Variants in SCRN1 observed in about 807,000 individuals in gnomAD.
SCRN1 encodes secernin 1.
Under a neutral mutation model 43.3 loss-of-function variants are expected in SCRN1, and 19 were observed. The observed-to-expected ratio is 0.44, with a 90% CI of 0.31 to 0.64. SCRN1 has a LOEUF of 0.64. Among genes scored for constraint, SCRN1 ranks in the 30% least tolerant of loss-of-function variants. The pLI is 0.09. For missense variants in SCRN1, 447 were observed against 524.1 expected (o/e 0.85, Z 1.44); for synonymous variants, 183 against 188.9 (o/e 0.97, Z 0.26).
intron 1 of SCRN1, among the ~76,000 whole-genome samples, chr7:29,987,276 G>T (rs891399288): frequency 1.3e-5 from 2 of 152,098 alleles, no homozygotes; most frequent in Middle Eastern, 3.2e-3. Context: ...TAGATCTAAG[G>T]TCACTGACTC....
intron 5 of SCRN1, 35 bp from the exon 6 acceptor site, chr7:29,936,756 G>A: frequency 6.7e-7 from 1 of 1,490,864 alleles, no homozygotes; most frequent in Non-Finnish European, 9.1e-7. Flanking sequence ...AATGGAAAGA[G>A]TAGATATAGG....
upstream of SCRN1, chr7:29,990,258 T>G (rs933304219): frequency 6.4e-7 from 1 of 1,551,606 alleles, no homozygotes; most frequent in Non-Finnish European, 8.7e-7. Context: ...AGCCAGACCC[T>G]GTCCCAGGTA....
intron 1 of SCRN1, among the ~76,000 whole-genome samples, chr7:29,987,574 T>C (rs1206038780): frequency 3.3e-5 from 5 of 152,190 alleles, no homozygotes; most frequent in African/African-American, 1.2e-4. Flanking sequence ...CACTGGAAAA[T>C]GTGAACATGA....
At chr7:29,967,391 C>CTTTT (rs372901964) in intron 2 of SCRN1, among the ~76,000 whole-genome samples, 3 of 137,380 alleles carry the variant, frequency 2.2e-5, no homozygotes, top group Non-Finnish European at 3.2e-5. Flanking sequence ...TTCATGTATA[C>CTTTT]TTTTTTTTTT....
chr7:29,927,725 T>C (rs1046643227), intron 6 of SCRN1, among the ~76,000 whole-genome samples: 3 of 152,192 alleles, frequency 2.0e-5, no homozygotes, highest in African/African-American at 7.2e-5. Flanking sequence ...GTACCTCAAG[T>C]GGGCTAGAGG....
upstream of SCRN1, chr7:29,990,215 GT>G: frequency 1.3e-6 from 2 of 1,551,668 alleles, no homozygotes; most frequent in East Asian, 2.4e-5. Flanking sequence ...CGAGTCCCTG[GT>G]TTTAAAAGTG....
chr7:29,923,866 T>C lies in SCRN1; in HGVS notation c.*91A>G, dbSNP rs1331167788. On this transcript the variant is annotated 3_prime_UTR_variant, in exon 8 of 8. Transcript: ENST00000242059. ...AAAAGGAGGCCACATATTAACTTTC[T>C]CATTTTACTCAAACAGGAGAGTGGT... 1 of 1,392,016 alleles carries C rather than the reference T, an allele frequency of 7.2e-7. No individual in the cohort carries two copies. Among genetic ancestry groups the C allele is most frequent in the African/African-American group, 1.4e-5 (1 of 69,182 alleles). The allele number at this position is 1,392,016 out of a possible 1,614,324, so 86.2% of individuals were successfully genotyped here. A position where few individuals can be genotyped will look rare whatever the true frequency, so the allele number is the denominator to read the frequency against.
intron 1 of SCRN1, among the ~76,000 whole-genome samples, chr7:29,980,333 G>A (rs1379563969): frequency 1.3e-5 from 2 of 152,182 alleles, no homozygotes; most frequent in African/African-American, 2.4e-5. Context: ...CACATCTCAG[G>A]TCCTTTCATT....
At chr7:29,960,447 T>C (rs963788185) in intron 2 of SCRN1, among the ~76,000 whole-genome samples, 17 of 152,180 alleles carry the variant, frequency 1.1e-4, no homozygotes, top group East Asian at 9.6e-4. Flanking sequence ...AAGGAAATAA[T>C]GGAGACAATA....
intron 6 of SCRN1, 111 bp downstream of exon 6, chr7:29,936,445 G>T: frequency 1.0e-6 from 1 of 952,958 alleles, no homozygotes. Flanking sequence ...TGAAAAACGT[G>T]ACTTTGCTAT....
chr7:29,960,011 G>GGA (rs1788257176), intron 2 of SCRN1, among the ~76,000 whole-genome samples: 1 of 86,376 alleles, frequency 1.2e-5, no homozygotes, highest in African/African-American at 4.8e-5. Context: ...GGAAGGAAGG[G>GGA]AGGGAGGGAG....
chr7:29,969,833 C>T, intron 1 of SCRN1: 1 of 456,370 alleles, frequency 2.2e-6, no homozygotes, highest in Non-Finnish European at 4.4e-6. Flanking sequence ...GACCCAGCTG[C>T]CTGCCTGATA....
chr7:29,938,546 G>A (rs905076874), intron 5 of SCRN1, among the ~76,000 whole-genome samples: 2 of 152,226 alleles, frequency 1.3e-5, no homozygotes, highest in African/African-American at 4.8e-5. Context: ...GGGGTTAACG[G>A]AATCAGGGCA....
At chr7:29,979,234 G>A (rs1227038836) in intron 1 of SCRN1, among the ~76,000 whole-genome samples, 1 of 151,958 alleles carries the variant, frequency 6.6e-6, no homozygotes, top group East Asian at 1.9e-4. Flanking sequence ...GTGGTGGCAC[G>A]TGCCTGTAAT....
At position 29,921,002 on chromosome 7, in the gene SCRN1, T is replaced by C. The variant is rs1054487086; in HGVS notation, c.*2955A>G. On this transcript the variant is annotated 3_prime_UTR_variant, in exon 8 of 8. Transcript: ENST00000242059. Reference sequence around the variant, plus strand: ...TCCAAGAATGAAAGGGTACTATTTCTGCTTTGCTAATTTACTCCTGCCAGA... The same window carrying C: ...TCCAAGAATGAAAGGGTACTATTTCCGCTTTGCTAATTTACTCCTGCCAGA... 1 of 152,686 alleles carries C rather than the reference T, an allele frequency of 6.5e-6. No individual in the cohort carries two copies. 9.5% of individuals were successfully genotyped at this position (152,686 alleles called of 1,614,324 possible).
chr7:29,944,368 T>TA (rs1018210374), intron 3 of SCRN1, among the ~76,000 whole-genome samples, 189 bp from the exon 4 acceptor site: 16 of 152,118 alleles, frequency 1.1e-4, no homozygotes, highest in African/African-American at 3.9e-4. Context: ...CATGTTTGCT[T>TA]AAAAAACCAT....
chr7:29,989,256 C>A (rs1411758784), intron 1 of SCRN1: 1 of 152,298 alleles, frequency 6.6e-6, no homozygotes, highest in Admixed American at 6.5e-5. Flanking sequence ...GCCCGGCTCG[C>A]CCCAGACCCC....
chr7:29,977,985 T>C (rs1398380657), intron 1 of SCRN1, among the ~76,000 whole-genome samples: 1 of 152,214 alleles, frequency 6.6e-6, no homozygotes, highest in Non-Finnish European at 1.5e-5. Context: ...CTTCAGAAAC[T>C]TTCCTTGAAG....
At chr7:29,958,187 C>T (rs779688481) in intron 2 of SCRN1, among the ~76,000 whole-genome samples, 25 of 152,126 alleles carry the variant, frequency 1.6e-4, no homozygotes, top group Non-Finnish European at 3.5e-4. Context: ...AGAGCACGGG[C>T]CTCATAAGGG....
Sources: gnomAD v4.1 joint callset for allele counts (sites outside exome capture counted in the v4.1 genomes callset) on GRCh38, gnomAD v4.1.1 for gene constraint, MANE v1.5 for transcripts, NCBI Gene and HGNC (gene_info 2026-07-23, HGNC 2026-07-21) for gene names.